NPBWR2: variants seen among roughly 807,000 people sequenced by gnomAD.
NPBWR2 encodes neuropeptides B/W receptor type 2.
For synonymous variants in NPBWR2, 207 were observed against 223.5 expected, an observed-to-expected ratio of 0.93 and a Z score of 0.66; for missense variants, 390 against 458.2, an observed-to-expected ratio of 0.85 and a Z score of 1.36.
rs764589585 is a variant in NPBWR2 at position 64,106,542 on chromosome 20, A to T, written c.290T>A (p.Val97Glu). 6.2e-7 allele frequency: 1 copy of T among 1,612,230 alleles called. No homozygotes were observed. The highest frequency in any genetic ancestry group is 2.2e-5 in the East Asian group (1 of 44,874). Residue 97 changes from valine (V) to glutamate (E), a missense_variant, in exon 2 of 2, where the codon GTA (valine) becomes GAA (glutamate). By Grantham distance (121) the Val-to-Glu change is moderately radical (BLOSUM62 -2). Coordinates refer to ENST00000684052, the MANE Select transcript of NPBWR2 (RefSeq NM_005286.4). The surrounding 1 kb of genome is among the most constrained non-coding windows in gnomAD (Gnocchi z 9.5). ...LAVADGLFTL[V>E]LPVNIAEHLL... ...GTGCTCCGCGATGTTGACGGGCAGT[A>T]CCAGCGTGAAGAGCCCGTCGGCGAC...
In NPBWR2 at chr20:64,104,496, G is replaced by A. The variant is rs1182170281; in HGVS notation, c.*1334C>T. Among the ~76,000 whole-genome samples, 2 of 150,984 alleles carry A rather than the reference G, an allele frequency of 1.3e-5. No homozygotes were observed. Among genetic ancestry groups the A allele is most frequent in the Non-Finnish European group, 3.0e-5 (2 of 67,676 alleles). On this transcript the variant is annotated 3_prime_UTR_variant, in exon 2 of 2. Coordinates refer to ENST00000684052, the MANE Select transcript of NPBWR2 (RefSeq NM_005286.4). ...CCGTCGGCCACAGCAGGGGGGTACAGGGGAGCACAGGCCATGGAGAGGACC... is the reference window on the plus strand; with the variant it reads ...CCGTCGGCCACAGCAGGGGGGTACAAGGGAGCACAGGCCATGGAGAGGACC...
chr20:64,104,612 C>T lies in NPBWR2; in HGVS notation c.*1218G>A, dbSNP rs1294017452. Among the ~76,000 whole-genome samples, 4 of 133,268 alleles carry T rather than the reference C, an allele frequency of 3.0e-5. No individual in the cohort carries two copies. Among genetic ancestry groups the T allele is most frequent in the East Asian group, 4.7e-4 (2 of 4,276 alleles). The allele number at this position is 133,268 out of a possible 152,430, so 87.4% of individuals were successfully genotyped here. A position where few individuals can be genotyped will look rare whatever the true frequency, so the allele number is the denominator to read the frequency against. On this transcript the variant is annotated 3_prime_UTR_variant, in exon 2 of 2. Transcript: ENST00000684052. ...GAGCACAGGCCATGGAGAGGACCGTCGGCCACAGCAGGGGAGTATAGGGGA... is the reference window on the plus strand; with the variant it reads ...GAGCACAGGCCATGGAGAGGACCGTTGGCCACAGCAGGGGAGTATAGGGGA...
Position 64,107,377 on chromosome 20 carries a change from C to T in NPBWR2, c.-105G>A, listed in dbSNP as rs138180134. 2.0e-5 allele frequency among the ~76,000 whole-genome samples: 3 copies of T among 152,328 alleles called. No homozygotes were observed. Among genetic ancestry groups the T allele is most frequent in the South Asian group, 2.1e-4 (1 of 4,828 alleles). ...CTCTCCACTGACCTGTCCAGTGCTTCGAGTCCAGAAGTTGGTAGCCTTGGT... is the reference window on the plus strand; with the variant it reads ...CTCTCCACTGACCTGTCCAGTGCTTTGAGTCCAGAAGTTGGTAGCCTTGGT... On this transcript the variant is annotated 5_prime_UTR_variant, in exon 1 of 2. Transcript: ENST00000684052. This position sits in a 1 kb window ranked among gnomAD's most constrained non-coding sequence, Gnocchi z 6.3.
rs940849908 is a variant in NPBWR2, at chr20:64,105,143, A to G, written c.*687T>C. 1.3e-5 allele frequency among the ~76,000 whole-genome samples: 2 copies of G among 152,012 alleles called. No individual in the cohort carries two copies. Among genetic ancestry groups the G allele is most frequent in the Non-Finnish European group, 2.9e-5 (2 of 67,996 alleles). ...CCCGCACTTACCACCCCCCGGCCCCATCTTGGGGAGAGACTATGTAACGTG... is the reference window on the plus strand; with the variant it reads ...CCCGCACTTACCACCCCCCGGCCCCGTCTTGGGGAGAGACTATGTAACGTG... On this transcript the variant is annotated 3_prime_UTR_variant, in exon 2 of 2. Coordinates refer to ENST00000684052, the MANE Select transcript of NPBWR2 (RefSeq NM_005286.4).
Position 64,106,004 on chromosome 20 carries a change from G to T in NPBWR2, c.828C>A (p.Phe276Leu), listed in dbSNP as rs1459220465. The change falls in exon 2 of 2, where the codon TTC (phenylalanine) becomes TTA (leucine). Residue 276 changes from phenylalanine (F) to leucine (L), a missense_variant. Coordinates refer to ENST00000684052, the MANE Select transcript of NPBWR2 (RefSeq NM_005286.4). This position sits in a 1 kb window ranked among gnomAD's most constrained non-coding sequence, Gnocchi z 9.5. ...TCAGGGCCACGACAGAGGCCAGGTG[G>T]AAGGGCGTCCAGCAGAGGAGGCACA... The part of the protein sequence containing the change: ...LAVCLLCWTP[F>L]HLASVVALTT... 2 of 1,612,256 alleles carry T rather than the reference G, an allele frequency of 1.2e-6. No individual in the cohort carries two copies. The highest frequency in any genetic ancestry group is 4.5e-5 in the East Asian group (2 of 44,874).
Position 64,106,114 on chromosome 20 carries a change from G to A in NPBWR2, c.718C>T (p.Arg240Trp), listed in dbSNP as rs201687254. ...GCTCCAGAGCGGAGCCGCACGGCCC[G>A]CAGCCTGCGCAGGAGGTCTGTGTAG... is the stretch of plus-strand genomic sequence containing the variant. ...VLYTDLLRRL[R>W]AVRLRSGAKA... Residue 240 changes from arginine (R) to tryptophan (W), a missense_variant, in exon 2 of 2, where the codon CGG becomes TGG. Coordinates refer to ENST00000684052, the MANE Select transcript of NPBWR2 (RefSeq NM_005286.4). The surrounding 1 kb of genome is among the most constrained non-coding windows in gnomAD (Gnocchi z 9.5). 203 of 1,611,710 alleles carry A rather than the reference G, an allele frequency of 1.3e-4. No individual in the cohort carries two copies. The highest frequency in any genetic ancestry group is 8.9e-5 in the East Asian group (4 of 44,858).
In NPBWR2 at chr20:64,106,959, G is replaced by T. The variant is rs1249928543; in HGVS notation, c.-91-37C>A. On this transcript the variant is annotated intron_variant, in intron 1 of 1. Coordinates refer to ENST00000684052, the MANE Select transcript of NPBWR2 (RefSeq NM_005286.4). This position sits in a 1 kb window ranked among gnomAD's most constrained non-coding sequence, Gnocchi z 9.5. Reference sequence around the variant, plus strand: ...AAACAACCAGAGACTTTGAGATCCGGCCGTCTGTTAGGGCACAGCCACTCC... The same window carrying T: ...AAACAACCAGAGACTTTGAGATCCGTCCGTCTGTTAGGGCACAGCCACTCC... 4 of 1,206,896 alleles carry T rather than the reference G, an allele frequency of 3.3e-6. No homozygotes were observed. The highest frequency in any genetic ancestry group is 4.6e-6 in the Non-Finnish European group (4 of 869,434). The allele number at this position is 1,206,896 out of a possible 1,614,324, so 74.8% of individuals were successfully genotyped here.
Position 64,106,905 on chromosome 20 carries a change from G to A in NPBWR2, c.-74C>T. 8 of 1,517,870 alleles carry A rather than the reference G, an allele frequency of 5.3e-6. No individual in the cohort carries two copies. In the South Asian group the frequency reaches 9.9e-5, roughly 19 times the overall value. 94.0% of individuals were successfully genotyped at this position (1,517,870 alleles called of 1,614,324 possible). ...CTTGGAGTTGGGTATCTGGTTGGGG[G>A]CCTCCTTGGGCTGGATTCTAGGAAA... is the stretch of plus-strand genomic sequence containing the variant. On this transcript the variant is annotated 5_prime_UTR_variant, in exon 2 of 2. Transcript: ENST00000684052. The surrounding 1 kb of genome is among the most constrained non-coding windows in gnomAD (Gnocchi z 9.5).
Position 64,107,008 on chromosome 20 carries a change from C to A in NPBWR2, c.-91-86G>T. The stretch of plus-strand genomic sequence containing the variant: ...CCAGGTTCTCTGGCAGAGACTGCGG[C>A]CACTTTGCCAGGTCAAGGACATGGG... On this transcript the variant is annotated intron_variant, in intron 1 of 1. Coordinates refer to ENST00000684052, the MANE Select transcript of NPBWR2 (RefSeq NM_005286.4). The surrounding 1 kb of genome is among the most constrained non-coding windows in gnomAD (Gnocchi z 6.3). 1 of 773,536 alleles carries A rather than the reference C, an allele frequency of 1.3e-6. No individual in the cohort carries two copies. Among genetic ancestry groups the A allele is most frequent in the Non-Finnish European group, 2.1e-6 (1 of 482,822 alleles). 47.9% of individuals were successfully genotyped at this position (773,536 alleles called of 1,614,324 possible). A position where few individuals can be genotyped will look rare whatever the true frequency, so the allele number is the denominator to read the frequency against.
In NPBWR2 at chr20:64,106,824, G is replaced by T. The variant is rs778833925; in HGVS notation, c.8C>A (p.Ala3Asp). 2.0e-5 allele frequency: 32 copies of T among 1,609,776 alleles called. No homozygotes were observed. Among genetic ancestry groups the T allele is most frequent in the Non-Finnish European group, 2.5e-5 (30 of 1,177,808 alleles). Residue 3 changes from alanine (A) to aspartate (D), a missense_variant, in exon 2 of 2, where the codon GCC becomes GAC. Transcript: ENST00000684052. This position sits in a 1 kb window ranked among gnomAD's most constrained non-coding sequence, Gnocchi z 9.5. ...GTCAAGGGGCTCTGGGTGCCCAGCG[G>T]CCTGCATTGTAGCTGGGACCGTTGA... MQ[A>D]AGHPEPLDSR...
rs34039059 is a variant in NPBWR2, at chr20:64,105,133, C to T, written c.*697G>A. Among the ~76,000 whole-genome samples, 20,117 of 152,110 alleles carry T rather than the reference C, an allele frequency of 0.13. 1,430 individuals are homozygous for T. Among genetic ancestry groups the T allele is most frequent in the Non-Finnish European group, 0.16 (10,557 of 67,972 alleles). ...GCCTGAGGTGCCCGCACTTACCACC[C>T]CCCGGCCCCATCTTGGGGAGAGACT... On this transcript the variant is annotated 3_prime_UTR_variant, in exon 2 of 2. Coordinates refer to ENST00000684052, the MANE Select transcript of NPBWR2 (RefSeq NM_005286.4).
rs961343739 is a variant in NPBWR2, at chr20:64,107,054, G to A, written c.-91-132C>T. The A allele has an allele frequency of 1.6e-6, 1 of 619,130 alleles. No homozygotes were observed. The highest frequency in any genetic ancestry group is 1.9e-5 in the African/African-American group (1 of 53,970). 38.4% of individuals were successfully genotyped at this position (619,130 alleles called of 1,614,324 possible). ...ATGGGGCCAGAGGGAGCCTGGTGGG[G>A]TGTGTGGGGGCCTCCTCCCGCCTCT... On this transcript the variant is annotated intron_variant, in intron 1 of 1. Coordinates refer to ENST00000684052, the MANE Select transcript of NPBWR2 (RefSeq NM_005286.4). The surrounding 1 kb of genome is among the most constrained non-coding windows in gnomAD (Gnocchi z 6.3).
Position 64,104,392 on chromosome 20 carries a change from G to C in NPBWR2, c.*1438C>G, listed in dbSNP as rs1979874874. Reference sequence around the variant, plus strand: ...TAGGCTGTGGTGGCCCAGAGGTCCTGGCAAAAGGGCCCTGTAGCCTCTAGT... The same window carrying C: ...TAGGCTGTGGTGGCCCAGAGGTCCTCGCAAAAGGGCCCTGTAGCCTCTAGT... On this transcript the variant is annotated 3_prime_UTR_variant, in exon 2 of 2. Coordinates refer to ENST00000684052, the MANE Select transcript of NPBWR2 (RefSeq NM_005286.4). Among the ~76,000 whole-genome samples, 1 of 152,216 alleles carries C rather than the reference G, an allele frequency of 6.6e-6. No individual in the cohort carries two copies. The highest frequency in any genetic ancestry group is 1.5e-5 in the Non-Finnish European group (1 of 68,030).
chr20:64,106,498 A>T lies in NPBWR2; in HGVS notation c.334T>A (p.Phe112Ile). 6.2e-7 allele frequency: 1 copy of T among 1,612,636 alleles called. No individual in the cohort carries two copies. The highest frequency in any genetic ancestry group is 8.5e-7 in the Non-Finnish European group (1 of 1,180,002). ...IAEHLLQYWPFGELLCKLVLA... is the reference protein window; with the variant it reads ...IAEHLLQYWPIGELLCKLVLA... ...ACCAGCTTGCAGAGCAGCTCCCCGA[A>T]GGGCCAGTACTGCAGCAGGTGCTCC... Residue 112 changes from phenylalanine (F) to isoleucine (I), a missense_variant, in exon 2 of 2, where the codon TTC (phenylalanine) becomes ATC (isoleucine). Phe to Ile is a conservative substitution (Grantham distance 21). Coordinates refer to ENST00000684052, the MANE Select transcript of NPBWR2 (RefSeq NM_005286.4). The surrounding 1 kb of genome is among the most constrained non-coding windows in gnomAD (Gnocchi z 9.5).
Position 64,106,948 on chromosome 20 carries a change from T to C in NPBWR2, c.-91-26A>G. On this transcript the variant is annotated intron_variant, in intron 1 of 1. Coordinates refer to ENST00000684052, the MANE Select transcript of NPBWR2 (RefSeq NM_005286.4). This position sits in a 1 kb window ranked among gnomAD's most constrained non-coding sequence, Gnocchi z 9.5. ...CTAGGAAAGAAAAACAACCAGAGAC[T>C]TTGAGATCCGGCCGTCTGTTAGGGC... 2 of 1,295,812 alleles carry C rather than the reference T, an allele frequency of 1.5e-6. No homozygotes were observed. Among genetic ancestry groups the C allele is most frequent in the Non-Finnish European group, 2.1e-6 (2 of 943,656 alleles). 80.3% of individuals were successfully genotyped at this position (1,295,812 alleles called of 1,614,324 possible).
In NPBWR2 at chr20:64,106,289, G is replaced by A; in HGVS notation, c.543C>T (p.Phe181=). 3.7e-6 allele frequency: 6 copies of A among 1,612,812 alleles called. No homozygotes were observed. Among genetic ancestry groups the A allele is most frequent in the Non-Finnish European group, 5.1e-6 (6 of 1,180,012 alleles). The stretch of plus-strand genomic sequence containing the variant: ...TGCTGTAGACGCCAGCGAAAGAGAA[G>A]AAGGGCAGAACCAGGACCGTGACGC... ...WLGVTVLVLP[F]FSFAGVYSNE... The change falls in exon 2 of 2, where the codon TTC becomes TTT. Residue 181 remains phenylalanine, a synonymous_variant. Transcript: ENST00000684052. The surrounding 1 kb of genome is among the most constrained non-coding windows in gnomAD (Gnocchi z 9.5).
Position 64,106,970 on chromosome 20 carries a change from G to T in NPBWR2, c.-91-48C>A. 1 of 1,054,080 alleles carries T rather than the reference G, an allele frequency of 9.5e-7. No homozygotes were observed. The highest frequency in any genetic ancestry group is 1.4e-6 in the Non-Finnish European group (1 of 734,172). The allele number at this position is 1,054,080 out of a possible 1,614,324, so 65.3% of individuals were successfully genotyped here. A position where few individuals can be genotyped will look rare whatever the true frequency, so the allele number is the denominator to read the frequency against. On this transcript the variant is annotated intron_variant, in intron 1 of 1. Transcript: ENST00000684052. The surrounding 1 kb of genome is among the most constrained non-coding windows in gnomAD (Gnocchi z 9.5). ...GACTTTGAGATCCGGCCGTCTGTTA[G>T]GGCACAGCCACTCCAGGTTCTCTGG...
chr20:64,107,446 G>A lies in NPBWR2; in HGVS notation c.-174C>T, dbSNP rs1980092824. On this transcript the variant is annotated 5_prime_UTR_variant, in exon 1 of 2. Coordinates refer to ENST00000684052, the MANE Select transcript of NPBWR2 (RefSeq NM_005286.4). The surrounding 1 kb of genome is among the most constrained non-coding windows in gnomAD (Gnocchi z 6.3). Reference sequence around the variant, plus strand: ...AGTACAGGCAGTCGCAGGGATGGAGGGCGAGGTGTGGTCCTCACTGACAGA... The same window carrying A: ...AGTACAGGCAGTCGCAGGGATGGAGAGCGAGGTGTGGTCCTCACTGACAGA... Among the ~76,000 whole-genome samples the A allele has an allele frequency of 6.6e-6, 1 of 152,190 alleles. No individual in the cohort carries two copies. The highest frequency in any genetic ancestry group is 6.5e-5 in the Admixed American group (1 of 15,272).
chr20:64,105,247 A>G lies in NPBWR2; in HGVS notation c.*583T>C, dbSNP rs956808130. On this transcript the variant is annotated 3_prime_UTR_variant, in exon 2 of 2. Transcript: ENST00000684052. ...GGGATCCTGAGTCCCAGAGCCTTCC[A>G]AGGGGCTTGTCCATCTGTCTGTCTC... Among the ~76,000 whole-genome samples the G allele has an allele frequency of 3.3e-5, 5 of 151,506 alleles. No homozygotes were observed. Among genetic ancestry groups the G allele is most frequent in the Admixed American group, 2.0e-4 (3 of 15,226 alleles).
Sources: allele counts gnomAD v4.1 joint callset (sites outside exome capture counted in the v4.1 genomes callset), GRCh38; gene constraint gnomAD v4.1.1; non-coding constraint Gnocchi (gnomAD v3.1); transcripts MANE v1.5; gene names NCBI Gene and HGNC (gene_info 2026-07-23, HGNC 2026-07-21).